CDH13: variants seen among roughly 807,000 people sequenced by gnomAD.
CDH13 encodes the protein cadherin 13.
Under a neutral mutation model 63.8 loss-of-function variants are expected in CDH13, and 24 were observed. The ratio of observed to expected loss-of-function variants is 0.38; its 90% CI spans 0.27 to 0.53. The LOEUF (loss-of-function observed/expected upper bound fraction) is 0.53, where lower values mean the gene tolerates loss of function less well. Among genes scored for constraint, CDH13 ranks in the 20% least tolerant of loss-of-function variants. The probability of loss-of-function intolerance (pLI) is 0.85; values close to 1 mark genes in which losing one functional copy is unlikely to be tolerated. For synonymous variants in CDH13, 503 were observed against 355.3 expected (o/e 1.42, Z -4.67); for missense variants, 1,049 against 903.1 (o/e 1.16, Z -2.07).
At chr16:82,661,497 CCTT>C (rs1311982296) in intron 1 of CDH13, among the ~76,000 whole-genome samples, 3 of 152,204 alleles carry the variant, frequency 2.0e-5, no homozygotes, top group Non-Finnish European at 2.9e-5. Context: ...AGCCAGCAGA[CCTT>C]CTTCCCAAGC....
intron 7 of CDH13, among the ~76,000 whole-genome samples, chr16:83,573,585 G>A (rs1567776044): frequency 1.3e-5 from 2 of 152,122 alleles, no homozygotes; most frequent in Non-Finnish European, 2.9e-5. Context: ...TAACAAAGGG[G>A]CCTATGCACA....
chr16:83,138,157 G>A (rs1292104650), intron 4 of CDH13, among the ~76,000 whole-genome samples: 1 of 152,142 alleles, frequency 6.6e-6, no homozygotes, highest in Non-Finnish European at 1.5e-5. Flanking sequence ...GACAAGTGAT[G>A]AAGAAAGAGA....
chr16:83,706,885 G>A (rs777148546), intron 10 of CDH13, among the ~76,000 whole-genome samples: 7 of 151,322 alleles, frequency 4.6e-5, no homozygotes, highest in Non-Finnish European at 8.8e-5. Flanking sequence ...AACATTGTAC[G>A]CTCCCAGCAT....
At chr16:82,838,923 A>C (rs1413897923) in intron 1 of CDH13, among the ~76,000 whole-genome samples, 2 of 152,214 alleles carry the variant, frequency 1.3e-5, no homozygotes, top group East Asian at 3.9e-4. Flanking sequence ...AAAGAGCCAG[A>C]TAATAAATTT....
At chr16:83,421,566 A>C (rs1467338693) in intron 6 of CDH13, among the ~76,000 whole-genome samples, 1 of 152,218 alleles carries the variant, frequency 6.6e-6, no homozygotes, top group Non-Finnish European at 1.5e-5. Flanking sequence ...GGCAATGGAG[A>C]GAAGATTCAT....
intron 5 of CDH13, among the ~76,000 whole-genome samples, chr16:83,324,378 C>G (rs1020206768): frequency 1.3e-5 from 2 of 152,154 alleles, no homozygotes; most frequent in Non-Finnish European, 2.9e-5. Flanking sequence ...CAAAAGAAAC[C>G]CCATCACTCT....
intron 1 of CDH13, among the ~76,000 whole-genome samples, chr16:82,794,161 G>T (rs2036462161): frequency 6.6e-6 from 1 of 151,128 alleles, no homozygotes; most frequent in African/African-American, 2.4e-5. Flanking sequence ...AAATTTTTTT[G>T]CAATTTTTTT....
At chr16:83,403,742 C>T (rs1162070677) in intron 6 of CDH13, among the ~76,000 whole-genome samples, 1 of 152,148 alleles carries the variant, frequency 6.6e-6, no homozygotes, top group Non-Finnish European at 1.5e-5. Flanking sequence ...CCCAGGACAT[C>T]CTGTTGTGAT....
In CDH13 at chr16:83,670,895, A is replaced by C. The variant is rs868232712; in HGVS notation, c.1207A>C (p.Ile403Leu). ...TGAWRAAYTI[I>L]NGNPGQSFEI... is the part of the protein sequence containing the mutation. The stretch of plus-strand genomic sequence containing the variant: ...TGCATGGAGGGCTGCCTACACCATC[A>C]TCAACGGAAACCCCGGGCAGAGCTT... The change falls in exon 9 of 14, where the codon ATC (isoleucine) becomes CTC (leucine). Residue 403 changes from isoleucine (I) to leucine (L), a missense_variant. Transcript: ENST00000567109. 1 of 1,613,530 alleles carries C rather than the reference A, an allele frequency of 6.2e-7. No individual in the cohort carries two copies. The highest frequency in any genetic ancestry group is 1.3e-5 in the African/African-American group (1 of 74,922).
rs560974380 is a variant in CDH13 at position 82,719,349 on chromosome 16, A to C, written c.45+92212A>C. On this transcript the variant is annotated intron_variant, in intron 1 of 13. Transcript: ENST00000567109. Reference sequence around the variant, plus strand: ...TAAAGCTTGGAACTTAAAAGTCTACATTTTCTTTGGAGTCAGGTGGTCCTG... The same window carrying C: ...TAAAGCTTGGAACTTAAAAGTCTACCTTTTCTTTGGAGTCAGGTGGTCCTG... 47 of 455,490 alleles carry C rather than the reference A, an allele frequency of 1.0e-4. 1 individual carries two copies. The highest frequency in any genetic ancestry group is 5.9e-4 in the South Asian group (38 of 64,514). The allele number at this position is 455,490 out of a possible 1,614,324, so 28.2% of individuals were successfully genotyped here.
chr16:82,965,993 A>G lies in CDH13; in HGVS notation c.158-66017A>G, dbSNP rs117787713. On this transcript the variant is annotated intron_variant, in intron 2 of 13. Transcript: ENST00000567109. ...GGCATGAAAATATCCCTGTCAGCCA[A>G]TCAGTCAACGAGTTGACCAAGCGTC... Among the ~76,000 whole-genome samples, 12 of 152,316 alleles carry G rather than the reference A, an allele frequency of 7.9e-5. No homozygotes were observed. In the East Asian group the frequency reaches 1.9e-3, roughly 24 times the overall value.
At chr16:83,226,601 G>A (rs979903309) in intron 5 of CDH13, among the ~76,000 whole-genome samples, 1 of 152,168 alleles carries the variant, frequency 6.6e-6, no homozygotes, top group Non-Finnish European at 1.5e-5. Flanking sequence ...CTACAACCAG[G>A]TCTACTTCAT....
chr16:82,990,259 C>T (rs1911494808), intron 2 of CDH13: 2 of 152,106 alleles, frequency 1.3e-5, no homozygotes, highest in Admixed American at 1.3e-4. Context: ...AAGCAAGGAT[C>T]CTAGAAAAAA....
At chr16:83,273,535 A>G (rs1597637970) in intron 5 of CDH13, among the ~76,000 whole-genome samples, 1 of 152,202 alleles carries the variant, frequency 6.6e-6, no homozygotes, top group Admixed American at 6.5e-5. Flanking sequence ...GAATACTATG[A>G]AGCCACAAAA....
chr16:83,222,679 A>C (rs2039731522), intron 5 of CDH13, among the ~76,000 whole-genome samples: 1 of 151,048 alleles, frequency 6.6e-6, no homozygotes, highest in Non-Finnish European at 1.5e-5. Flanking sequence ...CCCCATTGCT[A>C]CCTTTCTTAG....
At chr16:83,603,945 G>A (rs769101397) in intron 8 of CDH13, among the ~76,000 whole-genome samples, 1 of 152,082 alleles carries the variant, frequency 6.6e-6, no homozygotes, top group Non-Finnish European at 1.5e-5. Context: ...CAAAGGGGAA[G>A]GTGCCACACA....
intron 4 of CDH13, among the ~76,000 whole-genome samples, chr16:83,141,459 A>G (rs1041290011): frequency 1.3e-5 from 2 of 151,728 alleles, no homozygotes; most frequent in African/African-American, 2.4e-5. Flanking sequence ...TATTCTTTAT[A>G]TTTTCATTTC....
At chr16:83,443,781 G>A (rs945588506) in intron 6 of CDH13, among the ~76,000 whole-genome samples, 5 of 138,494 alleles carry the variant, frequency 3.6e-5, no homozygotes, top group African/African-American at 5.3e-5. Context: ...AAGAGAGAGC[G>A]AGAGCAAGCC....
chr16:82,990,360 G>T (rs1191762410), intron 2 of CDH13: 2 of 152,158 alleles, frequency 1.3e-5, no homozygotes, highest in Admixed American at 6.5e-5. Context: ...CATTACTGTG[G>T]TTCCCACTCA....
Sources: gnomAD v4.1 joint callset for allele counts (sites outside exome capture counted in the v4.1 genomes callset) on GRCh38, gnomAD v4.1.1 for gene constraint, MANE v1.5 for transcripts, NCBI Gene and HGNC (gene_info 2026-07-23, HGNC 2026-07-21) for gene names.